Variants in EDC3 observed in about 807,000 individuals in gnomAD.
The protein encoded by EDC3 is enhancer of mRNA decapping 3, also known as enhancer of mRNA-decapping protein 3.
A neutral mutation model predicts 41.8 loss-of-function variants in EDC3; 20 were observed. That is an observed-to-expected ratio of 0.48 (90% CI 0.34 to 0.70). The LOEUF is 0.70. EDC3 is among the 30% of genes least tolerant of loss of function. The pLI, the probability that EDC3 is intolerant of heterozygous loss-of-function variation, is 0.01. For missense variants in EDC3, 444 were observed against 636.8 expected (o/e 0.70, Z 3.26); for synonymous variants, 206 against 243.2 (o/e 0.85, Z 1.42).
intron 2 of EDC3, among the ~76,000 whole-genome samples, chr15:74,672,088 C>T (rs1226647310): frequency 6.8e-6 from 1 of 147,460 alleles, no homozygotes; most frequent in South Asian, 2.2e-4. Flanking sequence ...GGTGAAACCC[C>T]GTCTCTACTA....
intron 5 of EDC3, chr15:74,637,789 A>G (rs1242326025): frequency 6.6e-6 from 1 of 152,216 alleles, no homozygotes; most frequent in Non-Finnish European, 1.5e-5. Context: ...CCCAAACACC[A>G]TGGCTGGAAG....
chr15:74,639,113 T>C (rs1482858135), intron 5 of EDC3: 2 of 152,274 alleles, frequency 1.3e-5, no homozygotes, highest in African/African-American at 4.8e-5. Context: ...GCTTCCCTAG[T>C]TGGGCCACCA....
chr15:74,657,759 G>A (rs2062567895), intron 3 of EDC3, among the ~76,000 whole-genome samples: 1 of 152,126 alleles, frequency 6.6e-6, no homozygotes, highest in Non-Finnish European at 1.5e-5. Context: ...GGGAATCCCT[G>A]GTTTGCTCAA....
At position 74,632,461 on chromosome 15, in the gene EDC3, A is replaced by C; in HGVS notation, c.*151T>G. 3.2e-6 allele frequency: 3 copies of C among 929,096 alleles called. No homozygotes were observed. The highest frequency in any genetic ancestry group is 3.2e-6 in the Non-Finnish European group (2 of 633,576). 57.6% of individuals were successfully genotyped at this position (929,096 alleles called of 1,614,324 possible). On this transcript the variant is annotated 3_prime_UTR_variant, in exon 7 of 7. Coordinates refer to ENST00000315127, the MANE Select transcript of EDC3 (RefSeq NM_025083.5). The surrounding 1 kb of genome is among the most constrained non-coding windows in gnomAD (Gnocchi z 4.0). Reference sequence around the variant, plus strand: ...ACTTCCCTGGCTAAGAGCAAGTGACAGGTCAGTTTTAAGTAAGTTCTGTTC... The same window carrying C: ...ACTTCCCTGGCTAAGAGCAAGTGACCGGTCAGTTTTAAGTAAGTTCTGTTC...
intron 3 of EDC3, among the ~76,000 whole-genome samples, chr15:74,664,542 C>A (rs1235232803): frequency 1.3e-5 from 2 of 152,258 alleles, no homozygotes; most frequent in Non-Finnish European, 2.9e-5. Flanking sequence ...TTTTGTCACA[C>A]ACACACTGTA....
intron 1 of EDC3, among the ~76,000 whole-genome samples, chr15:74,675,962 C>A (rs1233449668): frequency 6.6e-6 from 1 of 151,938 alleles, no homozygotes; most frequent in African/African-American, 2.4e-5. Context: ...AATATATATC[C>A]TTTTCAAGTC....
intron 1 of EDC3, 115 bp from the exon 2 acceptor site, chr15:74,675,257 A>G: frequency 1.1e-6 from 1 of 913,970 alleles, no homozygotes; most frequent in African/African-American, 1.6e-5. Context: ...ATATTCTATC[A>G]CATTGTTAAC....
intron 4 of EDC3, among the ~76,000 whole-genome samples, chr15:74,648,681 C>T (rs142615089): frequency 7.9e-5 from 12 of 152,278 alleles, no homozygotes; most frequent in Non-Finnish European, 1.3e-4. Flanking sequence ...TCGGGTCATC[C>T]TCACACACTT....
chr15:74,690,674 T>G (rs952566587), intron 1 of EDC3, among the ~76,000 whole-genome samples: 1 of 152,190 alleles, frequency 6.6e-6, no homozygotes, highest in Admixed American at 6.5e-5. Context: ...CAACCCAGCA[T>G]GATGGCTCAG....
chr15:74,652,363 G>C (rs896097207), intron 4 of EDC3, among the ~76,000 whole-genome samples: 1 of 151,870 alleles, frequency 6.6e-6, no homozygotes. Context: ...AAGTAGCTGG[G>C]ACTACAGGCG....
In EDC3 at chr15:74,671,433, A is replaced by G. The variant is rs759094705; in HGVS notation, c.484+22T>C. 3.1e-6 allele frequency: 5 copies of G among 1,596,934 alleles called. No individual in the cohort carries two copies. The highest frequency in any genetic ancestry group is 3.4e-5 in the Admixed American group (2 of 59,194). ...CCCTGAAACACCAGATTGAGAAGAA[A>G]TATCAACTTGACCCTACTTACAGGA... On this transcript the variant is annotated intron_variant, in intron 3 of 6. Coordinates refer to ENST00000315127, the MANE Select transcript of EDC3 (RefSeq NM_025083.5). The surrounding 1 kb of genome is among the most constrained non-coding windows in gnomAD (Gnocchi z 4.6).
At position 74,632,844 on chromosome 15, in the gene EDC3, G is replaced by T; in HGVS notation, c.1295C>A (p.Ala432Asp). 1 of 1,614,220 alleles carries T rather than the reference G, an allele frequency of 6.2e-7. No individual in the cohort carries two copies. The highest frequency in any genetic ancestry group is 8.5e-7 in the Non-Finnish European group (1 of 1,180,034). The change falls in exon 7 of 7, where the codon GCC (alanine) becomes GAC (aspartate). Residue 432 changes from alanine (A) to aspartate (D), a missense_variant. This residue lies in a region of EDC3 where 242 missense variants were observed against 363.8 expected (regional missense o/e 0.67). Transcript: ENST00000315127. The surrounding 1 kb of genome is among the most constrained non-coding windows in gnomAD (Gnocchi z 4.0). The stretch of plus-strand genomic sequence containing the variant: ...GAGTACTGGTGCCCGGTTCTGGTTG[G>T]CCCAGGCCACAGCTGCCTTGTACCA... ...QPWYKAAVAW[A>D]NQNRAPVLSI...
At position 74,635,533 on chromosome 15, in the gene EDC3, G is replaced by A. The variant is rs775872906; in HGVS notation, c.1068C>T (p.His356=). ...TGACCTGGACATCATGGTTGGCTAG[G>A]TGCCTTCCACAGCTGATACCCTGAG... is the stretch of plus-strand genomic sequence containing the variant. ...KGAQGISCGR[H]LANHDVQVIL... The change falls in exon 6 of 7, where the codon CAC becomes CAT. Residue 356 remains histidine (H), a synonymous_variant. Coordinates refer to ENST00000315127, the MANE Select transcript of EDC3 (RefSeq NM_025083.5). The A allele has an allele frequency of 2.2e-5, 36 of 1,614,118 alleles. No homozygotes were observed. Among genetic ancestry groups the A allele is most frequent in the South Asian group, 1.5e-4 (14 of 91,096 alleles).
chr15:74,632,794 C>T lies in EDC3; in HGVS notation c.1345G>A (p.Val449Ile). 1 of 1,614,264 alleles carries T rather than the reference C, an allele frequency of 6.2e-7. No homozygotes were observed. Among genetic ancestry groups the T allele is most frequent in the South Asian group, 1.1e-5 (1 of 91,088 alleles). ...VLSIDPPVHE[V>I]EQGIDAKWSL... ...CATTTGGCATCAATGCCCTGTTCGA[C>T]TTCATGCACAGGAGGGTCTATGCTG... The change falls in exon 7 of 7, where the codon GTC becomes ATC. Residue 449 changes from valine to isoleucine, a missense_variant. Val to Ile is a conservative substitution (Grantham distance 29). Around this residue, in one of 3 missense-constraint regions of EDC3, gnomAD observed 242 missense variants for 363.8 expected, o/e 0.67. Transcript: ENST00000315127. The surrounding 1 kb of genome is among the most constrained non-coding windows in gnomAD (Gnocchi z 4.0).
intron 4 of EDC3, chr15:74,644,263 C>T (rs2062386912): frequency 6.6e-6 from 1 of 152,334 alleles, no homozygotes; most frequent in South Asian, 2.1e-4. Flanking sequence ...TCTCCAAGTT[C>T]CTTCTGGCCT....
chr15:74,643,193 A>G (rs2062374417), intron 4 of EDC3: 1 of 152,248 alleles, frequency 6.6e-6, no homozygotes, highest in Admixed American at 6.5e-5. Flanking sequence ...AAAGGAACCA[A>G]GAACATAGCG....
At chr15:74,655,091 A>T (rs921900165) in intron 4 of EDC3, among the ~76,000 whole-genome samples, 1 of 152,182 alleles carries the variant, frequency 6.6e-6, no homozygotes, top group Admixed American at 6.5e-5. Context: ...ACACTGCTTT[A>T]ATCTGTTTTA....
chr15:74,693,576 G>C (rs768991121), intron 1 of EDC3, among the ~76,000 whole-genome samples: 52 of 152,128 alleles, frequency 3.4e-4, no homozygotes, highest in Non-Finnish European at 6.8e-4. Context: ...CGGAATTCCA[G>C]CTGTAAGTAG....
chr15:74,632,838 T>C lies in EDC3; in HGVS notation c.1301A>G (p.Gln434Arg). Residue 434 changes from glutamine to arginine, a missense_variant, in exon 7 of 7, where the codon CAG becomes CGG. Physicochemically the swap from Gln to Arg is conservative, Grantham distance 43 (BLOSUM62 1). Coordinates refer to ENST00000315127, the MANE Select transcript of EDC3 (RefSeq NM_025083.5). This position sits in a 1 kb window ranked among gnomAD's most constrained non-coding sequence, Gnocchi z 4.0. ...TATGCTGAGTACTGGTGCCCGGTTCTGGTTGGCCCAGGCCACAGCTGCCTT... is the reference window on the plus strand; with the variant it reads ...TATGCTGAGTACTGGTGCCCGGTTCCGGTTGGCCCAGGCCACAGCTGCCTT... ...WYKAAVAWAN[Q>R]NRAPVLSIDP... 1 of 1,614,254 alleles carries C rather than the reference T, an allele frequency of 6.2e-7. No individual in the cohort carries two copies. Among genetic ancestry groups the C allele is most frequent in the Non-Finnish European group, 8.5e-7 (1 of 1,180,040 alleles).
Sources: allele counts gnomAD v4.1 joint callset (sites outside exome capture counted in the v4.1 genomes callset), GRCh38; gene constraint gnomAD v4.1.1; regional missense constraint gnomAD v4.1.1; non-coding constraint Gnocchi (gnomAD v3.1); transcripts MANE v1.5; gene names NCBI Gene and HGNC (gene_info 2026-07-23, HGNC 2026-07-21).